Variants in IQCM observed in about 807,000 individuals in gnomAD.
The protein encoded by IQCM is IQ domain-containing protein M.
Under a neutral mutation model 57.6 loss-of-function variants are expected in IQCM, and 45 were observed. The ratio of observed to expected loss-of-function variants is 0.78; its 90% CI spans 0.62 to 1.00. IQCM has a LOEUF of 1.00. Ranked by LOEUF, IQCM falls within the 50% of genes least tolerant of loss-of-function variation. IQCM has a pLI of 0.00. For synonymous variants in IQCM, 148 were observed against 158.9 expected (o/e 0.93, Z 0.51); for missense variants, 468 against 511.6 (o/e 0.91, Z 0.82).
chr4:149,424,520 C>T lies in IQCM; in HGVS notation c.1390+8876G>A, dbSNP rs1217887954. On this transcript the variant is annotated intron_variant, in intron 13 of 13. Coordinates refer to ENST00000636793, the MANE Select transcript of IQCM (RefSeq NM_001363507.2). ...GAATATGCAGAAAAATTAGAAACTT[C>T]TGTTATATTAAAACAGTACATAAAG... Among the ~76,000 whole-genome samples the T allele has an allele frequency of 3.3e-5, 5 of 151,762 alleles. No individual in the cohort carries two copies. In the East Asian group the frequency reaches 9.7e-4, roughly 30 times the overall value.
chr4:149,684,290 G>C (rs1288042621), intron 6 of IQCM, among the ~76,000 whole-genome samples: 3 of 151,224 alleles, frequency 2.0e-5, no homozygotes, highest in African/African-American at 7.3e-5. Flanking sequence ...AAATAGACAA[G>C]TTTAGAAAAG....
At chr4:149,471,907 G>A (rs539277934) in intron 12 of IQCM, among the ~76,000 whole-genome samples, 9 of 152,152 alleles carry the variant, frequency 5.9e-5, no homozygotes, top group South Asian at 2.1e-4. Flanking sequence ...AAAGGCCTTC[G>A]ACAAAATTCA....
At chr4:149,442,925 TACACACAC>T (rs373865453) in intron 12 of IQCM, among the ~76,000 whole-genome samples, 10 of 133,176 alleles carry the variant, frequency 7.5e-5, no homozygotes, top group Non-Finnish European at 1.4e-4. Flanking sequence ...TATCTCTCAA[TACACACAC>T]ACACACACAC....
intron 12 of IQCM, among the ~76,000 whole-genome samples, chr4:149,498,108 G>A (rs921222359): frequency 9.9e-5 from 15 of 152,126 alleles, no homozygotes; most frequent in Non-Finnish European, 4.4e-5. Flanking sequence ...GTTTAAACAG[G>A]CATTAGGAAT....
In IQCM at chr4:149,649,636, A is replaced by G. The variant is rs1290703997; in HGVS notation, c.566-28392T>C. On this transcript the variant is annotated intron_variant, in intron 7 of 13. Transcript: ENST00000636793. The stretch of plus-strand genomic sequence containing the variant: ...AATAATTACCTCATTCAAATTGTCA[A>G]ATTACAAAAGCCAGAGCTTAATAGG... Among the ~76,000 whole-genome samples the G allele has an allele frequency of 2.0e-5, 3 of 152,204 alleles. No individual in the cohort carries two copies. In the East Asian group the frequency reaches 5.8e-4, roughly 29 times the overall value.
intron 8 of IQCM, among the ~76,000 whole-genome samples, chr4:149,588,458 G>A (rs1275436188): frequency 6.6e-6 from 1 of 151,766 alleles, no homozygotes; most frequent in Non-Finnish European, 1.5e-5. Context: ...TAACTATTGA[G>A]GTGTTATGGA....
chr4:149,431,355 C>T (rs1315472336), intron 13 of IQCM, among the ~76,000 whole-genome samples: 4 of 151,956 alleles, frequency 2.6e-5, no homozygotes, highest in African/African-American at 9.7e-5. Context: ...TTAACTTTAG[C>T]CATTTTTGTA....
chr4:149,620,489 T>C (rs2150072242), intron 8 of IQCM, among the ~76,000 whole-genome samples: 1 of 152,350 alleles, frequency 6.6e-6, no homozygotes, highest in African/African-American at 2.4e-5. Context: ...AACCCAGACA[T>C]ATTTACAGAC....
chr4:149,526,738 A>T (rs906000977), intron 12 of IQCM, among the ~76,000 whole-genome samples: 5 of 152,246 alleles, frequency 3.3e-5, no homozygotes, highest in Non-Finnish European at 5.9e-5. Context: ...AGAAAGTTCT[A>T]TGAAAAAATA....
intron 12 of IQCM, among the ~76,000 whole-genome samples, chr4:149,489,929 T>A (rs1741915958): frequency 6.6e-6 from 1 of 151,996 alleles, no homozygotes; most frequent in African/African-American, 2.4e-5. Context: ...TAAAAATGAT[T>A]AAAATTTTTG....
intron 13 of IQCM, among the ~76,000 whole-genome samples, chr4:149,398,776 G>C (rs1050089226): frequency 6.6e-6 from 1 of 151,962 alleles, no homozygotes; most frequent in Non-Finnish European, 1.5e-5. Context: ...GCACACTCAT[G>C]GCTCACTGCA....
At chr4:149,400,400 G>A (rs1388712409) in intron 13 of IQCM, among the ~76,000 whole-genome samples, 1 of 152,010 alleles carries the variant, frequency 6.6e-6, no homozygotes, top group African/African-American at 2.4e-5. Flanking sequence ...ATGGAGTTAT[G>A]ACACTAATTC....
chr4:149,668,813 A>T (rs1464114797), intron 7 of IQCM, among the ~76,000 whole-genome samples: 1 of 152,178 alleles, frequency 6.6e-6, no homozygotes, highest in Non-Finnish European at 1.5e-5. Flanking sequence ...AGAGAAAATC[A>T]GCAAAACTAA....
At position 149,500,778 on chromosome 4, in the gene IQCM, C is replaced by T. The variant is rs549786190; in HGVS notation, c.1228+47677G>A. Among the ~76,000 whole-genome samples, 16 of 152,156 alleles carry T rather than the reference C, an allele frequency of 1.1e-4. No homozygotes were observed. In the South Asian group the frequency reaches 2.9e-3, roughly 28 times the overall value. ...ATCTAAATCAAATCAATACTAGTTC[C>T]TTTTTTTGTACAGTTTCTCTATTAG... On this transcript the variant is annotated intron_variant, in intron 12 of 13. Transcript: ENST00000636793.
intron 5 of IQCM, among the ~76,000 whole-genome samples, chr4:149,694,463 C>T (rs187573911): frequency 5.7e-4 from 86 of 151,876 alleles, no homozygotes; most frequent in Non-Finnish European, 1.0e-3. Context: ...TCTCAGATAC[C>T]GTAGATAATA....
intron 9 of IQCM, among the ~76,000 whole-genome samples, chr4:149,576,540 C>T (rs566635389): frequency 3.3e-5 from 5 of 152,038 alleles, no homozygotes; most frequent in African/African-American, 1.2e-4. Flanking sequence ...ATAATGACCT[C>T]CAGCTATATC....
chr4:149,405,811 T>C (rs1177762765), intron 13 of IQCM, among the ~76,000 whole-genome samples: 4 of 147,076 alleles, frequency 2.7e-5, no homozygotes, highest in Non-Finnish European at 4.5e-5. Context: ...CTTTTTAAAT[T>C]TTCACCTCCT....
intron 12 of IQCM, among the ~76,000 whole-genome samples, chr4:149,502,835 A>T (rs544417641): frequency 3.9e-5 from 6 of 152,272 alleles, no homozygotes; most frequent in African/African-American, 1.4e-4. Context: ...ATGTACAAGC[A>T]ATCAGAGGAA....
chr4:149,430,849 T>A (rs1016646411), intron 13 of IQCM, among the ~76,000 whole-genome samples: 5 of 152,024 alleles, frequency 3.3e-5, no homozygotes, highest in Non-Finnish European at 5.9e-5. Flanking sequence ...TTTCTTTTCT[T>A]TGGGATAAAG....
Sources: allele counts gnomAD v4.1 joint callset (sites outside exome capture counted in the v4.1 genomes callset), GRCh38; gene constraint gnomAD v4.1.1; transcripts MANE v1.5; gene names NCBI Gene and HGNC (gene_info 2026-07-23, HGNC 2026-07-21).